Variants in PARD3B observed in about 807,000 individuals in gnomAD.
The protein encoded by PARD3B is partitioning defective 3 homolog B.
In PARD3B, 103 loss-of-function variants were observed where a neutral mutation model predicts 130.2. The observed-to-expected ratio is 0.79, with a 90% CI of 0.67 to 0.93. The LOEUF (loss-of-function observed/expected upper bound fraction) is 0.93, where lower values mean the gene tolerates loss of function less well. PARD3B is among the 40% of genes least tolerant of loss of function. The pLI, the probability that PARD3B is intolerant of heterozygous loss-of-function variation, is 0.00. For synonymous variants in PARD3B, 583 were observed against 553.2 expected (o/e 1.05, Z -0.76); for missense variants, 1,609 against 1,499.2 (o/e 1.07, Z -1.21).
chr2:204,594,879 G>T (rs2125098425), intron 1 of PARD3B, among the ~76,000 whole-genome samples: 1 of 152,236 alleles, frequency 6.6e-6, no homozygotes, highest in South Asian at 2.1e-4. Flanking sequence ...CAGCTATGTT[G>T]GTGTTTGTGA....
chr2:204,796,837 A>G (rs1348566836), intron 2 of PARD3B, among the ~76,000 whole-genome samples: 1 of 152,178 alleles, frequency 6.6e-6, no homozygotes, highest in African/African-American at 2.4e-5. Context: ...GCCTCTGGCT[A>G]TGCTAAATTT....
intron 2 of PARD3B, among the ~76,000 whole-genome samples, chr2:204,764,746 T>TGTGTGTGTGTGTG (rs2041069577): frequency 3.6e-5 from 1 of 27,594 alleles, no homozygotes; most frequent in Non-Finnish European, 9.4e-5. Flanking sequence ...GTGTGTGTAG[T>TGTGTGTGTGTGTG]TAATTTTTTA....
intron 1 of PARD3B, among the ~76,000 whole-genome samples, chr2:204,554,138 C>T (rs934631096): frequency 6.6e-6 from 1 of 152,160 alleles, no homozygotes; most frequent in Non-Finnish European, 1.5e-5. Flanking sequence ...TTCTCAGGCT[C>T]TTTGGTTGTT....
At chr2:205,581,811 A>C (rs969542277) in intron 22 of PARD3B, among the ~76,000 whole-genome samples, 2 of 152,198 alleles carry the variant, frequency 1.3e-5, no homozygotes, top group Non-Finnish European at 2.9e-5. Flanking sequence ...TTTTCTTAGA[A>C]TAAAAAGATG....
Position 205,461,465 on chromosome 2 carries a change from A to T in PARD3B, c.3044+20793A>T, listed in dbSNP as rs912436014. The stretch of plus-strand genomic sequence containing the variant: ...CCTAGCACGGACTGCCATGTAGAAA[A>T]GGTCCCCTATTATTTCAGCACCACA... On this transcript the variant is annotated intron_variant, in intron 20 of 22. Coordinates refer to ENST00000406610, the MANE Select transcript of PARD3B (RefSeq NM_001302769.2). The surrounding 1 kb of genome is among the most constrained non-coding windows in gnomAD (Gnocchi z 4.3). Among the ~76,000 whole-genome samples, 5 of 152,130 alleles carry T rather than the reference A, an allele frequency of 3.3e-5. No individual in the cohort carries two copies. The highest frequency in any genetic ancestry group is 1.3e-4 in the Admixed American group (2 of 15,262).
intron 3 of PARD3B, among the ~76,000 whole-genome samples, chr2:205,008,597 A>G (rs1695463901): frequency 6.6e-6 from 1 of 152,196 alleles, no homozygotes; most frequent in Non-Finnish European, 1.5e-5. Context: ...AATAAATGCA[A>G]TTCAGCTTTA....
intron 18 of PARD3B, among the ~76,000 whole-genome samples, chr2:205,399,053 G>A (rs2046142402): frequency 6.6e-6 from 1 of 152,116 alleles, no homozygotes; most frequent in African/African-American, 2.4e-5. Context: ...CAGATCAGCT[G>A]AGTTCAGGAG....
intron 2 of PARD3B, among the ~76,000 whole-genome samples, chr2:204,937,947 G>C (rs1688594955): frequency 6.6e-6 from 1 of 152,174 alleles, no homozygotes; most frequent in Admixed American, 6.5e-5. Flanking sequence ...AAAACTCAGG[G>C]TTATAGTCAA....
Position 205,318,288 on chromosome 2 carries a change from A to G in PARD3B, c.2630+16587A>G, listed in dbSNP as rs16837186. ...CAAAGTATGGGAATGAACAGCTTTT[A>G]TGAAAAAGATGGACTATAAAATGAA... is the stretch of plus-strand genomic sequence containing the variant. On this transcript the variant is annotated intron_variant, in intron 18 of 22. Transcript: ENST00000406610. 8.6e-3 allele frequency among the ~76,000 whole-genome samples: 1,314 copies of G among 152,290 alleles called. 9 individuals carry two copies. The highest frequency in any genetic ancestry group is 0.011 in the Admixed American group (174 of 15,298).
chr2:205,108,426 CT>C (rs1210459295), intron 5 of PARD3B, among the ~76,000 whole-genome samples: 5 of 152,160 alleles, frequency 3.3e-5, no homozygotes, highest in African/African-American at 1.2e-4. Context: ...ATGGTTTAAT[CT>C]GTCTCCTGTA....
chr2:204,615,184 T>C (rs1419845480), intron 1 of PARD3B, among the ~76,000 whole-genome samples: 1 of 152,196 alleles, frequency 6.6e-6, no homozygotes, highest in Non-Finnish European at 1.5e-5. Context: ...GGAAAAGGGA[T>C]GAATATTTTC....
intron 22 of PARD3B, among the ~76,000 whole-genome samples, chr2:205,599,915 CTATGGTTACAG>C (rs1424606324): frequency 6.6e-6 from 1 of 152,166 alleles, no homozygotes; most frequent in Non-Finnish European, 1.5e-5. Flanking sequence ...TGGGCTGGTC[CTATGGTTACAG>C]TATTACCATG....
chr2:204,909,094 G>A (rs1159613660), intron 2 of PARD3B, among the ~76,000 whole-genome samples: 1 of 152,048 alleles, frequency 6.6e-6, no homozygotes, highest in East Asian at 1.9e-4. Flanking sequence ...TCTGCAGGAG[G>A]GTTCAGAGGT....
intron 2 of PARD3B, among the ~76,000 whole-genome samples, chr2:204,693,419 A>T (rs1401581129): frequency 6.6e-6 from 1 of 151,852 alleles, no homozygotes; most frequent in Non-Finnish European, 1.5e-5. Flanking sequence ...TGGCCCTGTT[A>T]TTTGTCTAGT....
chr2:204,665,284 C>A (rs920154946), intron 1 of PARD3B, among the ~76,000 whole-genome samples: 2 of 152,054 alleles, frequency 1.3e-5, no homozygotes, highest in South Asian at 2.1e-4. Flanking sequence ...TAGGTGGGGT[C>A]TCTGCCTGGG....
chr2:204,630,715 A>G (rs1485965770), intron 1 of PARD3B, among the ~76,000 whole-genome samples: 1 of 152,074 alleles, frequency 6.6e-6, no homozygotes, highest in Admixed American at 6.5e-5. Context: ...AATGTGTTAG[A>G]CTTTCTTTTC....
intron 2 of PARD3B, among the ~76,000 whole-genome samples, chr2:204,951,729 A>G (rs1190943770): frequency 6.6e-6 from 1 of 152,250 alleles, no homozygotes; most frequent in Non-Finnish European, 1.5e-5. Flanking sequence ...GAACAGAACC[A>G]AAACCATTTT....
intron 1 of PARD3B, among the ~76,000 whole-genome samples, chr2:204,598,645 A>G (rs1405100216): frequency 6.6e-6 from 1 of 152,132 alleles, no homozygotes; most frequent in East Asian, 1.9e-4. Context: ...GTATGTGTAC[A>G]ATATTATATT....
intron 5 of PARD3B, among the ~76,000 whole-genome samples, chr2:205,106,188 C>G (rs559924604): frequency 1.3e-5 from 2 of 152,036 alleles, no homozygotes; most frequent in African/African-American, 4.8e-5. Context: ...GCTCTTGTTA[C>G]CCAGGCTGGA....
Sources: gnomAD v4.1 joint callset for allele counts (sites outside exome capture counted in the v4.1 genomes callset) on GRCh38, gnomAD v4.1.1 for gene constraint, Gnocchi (gnomAD v3.1) non-coding constraint, MANE v1.5 for transcripts, NCBI Gene and HGNC (gene_info 2026-07-23, HGNC 2026-07-21) for gene names.